Variants in AFAP1 observed in about 807,000 individuals in gnomAD.
The protein encoded by AFAP1 is actin filament-associated protein 1.
AFAP1 carries 75 observed loss-of-function variants against 93.9 expected under a neutral mutation model. The observed-to-expected ratio is 0.80, with a 90% CI of 0.66 to 0.97. The LOEUF (loss-of-function observed/expected upper bound fraction) is 0.97, where lower values mean the gene tolerates loss of function less well. Ranked by LOEUF, AFAP1 falls within the 50% of genes least tolerant of loss-of-function variation. The pLI, the probability that AFAP1 is intolerant of heterozygous loss-of-function variation, is 0.00. For missense variants in AFAP1, 1,201 were observed against 1,050.8 expected (o/e 1.14, Z -1.98); for synonymous variants, 517 against 430.7 (o/e 1.20, Z -2.48).
At position 7,848,103 on chromosome 4, in the gene AFAP1, G is replaced by A. The variant is rs910242903; in HGVS notation, c.335-4753C>T. On this transcript the variant is annotated intron_variant, in intron 4 of 17. Coordinates refer to ENST00000420658, the MANE Select transcript of AFAP1 (RefSeq NM_001134647.2). ...CGGAAGGAGGGAGGGAAGGAAAGAA[G>A]GAAGGAAGGAAGGAAGGAAGGAAGG... Among the ~76,000 whole-genome samples, 3 of 55,844 alleles carry A rather than the reference G, an allele frequency of 5.4e-5. No individual in the cohort carries two copies. In the East Asian group the frequency reaches 1.2e-3, roughly 23 times the overall value. The allele number at this position is 55,844 out of a possible 152,430, so 36.6% of individuals were successfully genotyped here.
At chr4:7,773,142 T>A in intron 15 of AFAP1, 132 bp from the exon 16 acceptor site, 3 of 1,375,664 alleles carry the variant, frequency 2.2e-6, no homozygotes, top group Non-Finnish European at 2.9e-6. Flanking sequence ...AGGTCCTCGT[T>A]GTGAAACTTA....
In AFAP1 at chr4:7,840,411, T is replaced by C. The variant is rs532863092; in HGVS notation, c.547-1708A>G. On this transcript the variant is annotated intron_variant, in intron 5 of 17. Coordinates refer to ENST00000420658, the MANE Select transcript of AFAP1 (RefSeq NM_001134647.2). ...TCACTGCAACCTCCCCCTCCTGGGTTCAAGCGATTCTCCTGCCTCAGCCTC... is the reference window on the plus strand; with the variant it reads ...TCACTGCAACCTCCCCCTCCTGGGTCCAAGCGATTCTCCTGCCTCAGCCTC... Among the ~76,000 whole-genome samples the C allele has an allele frequency of 8.0e-5, 12 of 150,132 alleles. No individual in the cohort carries two copies. The South Asian group carries it at 2.5e-3, about 32-fold the overall frequency.
intron 3 of AFAP1, among the ~76,000 whole-genome samples, chr4:7,860,530 C>T (rs112954962): frequency 1.0e-3 from 152 of 152,230 alleles, no homozygotes; most frequent in African/African-American, 3.3e-3. Context: ...TATTTTCTCT[C>T]GTTCAGAAAA....
intron 9 of AFAP1, 55 bp downstream of exon 9, chr4:7,809,559 G>C: frequency 6.4e-7 from 1 of 1,565,130 alleles, no homozygotes; most frequent in Non-Finnish European, 8.6e-7. Flanking sequence ...CACTGCAGGA[G>C]AAAATGAAAC....
chr4:7,865,886 G>A (rs1198091595), intron 3 of AFAP1, among the ~76,000 whole-genome samples: 5 of 152,108 alleles, frequency 3.3e-5, no homozygotes, highest in Non-Finnish European at 5.9e-5. Flanking sequence ...TTGGTTCTGT[G>A]GTCTTGTTTT....
intron 12 of AFAP1, among the ~76,000 whole-genome samples, chr4:7,785,275 G>C (rs1431562832): frequency 6.6e-6 from 1 of 152,108 alleles, no homozygotes; most frequent in East Asian, 1.9e-4. Flanking sequence ...AACACACTGA[G>C]AACAGACTTC....
intron 4 of AFAP1, among the ~76,000 whole-genome samples, chr4:7,845,105 A>C (rs1203177949): frequency 1.3e-5 from 2 of 152,090 alleles, no homozygotes; most frequent in East Asian, 3.8e-4. Flanking sequence ...TTTAGAGTTT[A>C]AGTTGAATTT....
At chr4:7,902,553 T>C (rs1450204443) in intron 1 of AFAP1, among the ~76,000 whole-genome samples, 2 of 151,596 alleles carry the variant, frequency 1.3e-5, no homozygotes, top group African/African-American at 4.9e-5. Flanking sequence ...CTCCTTCTAT[T>C]GTCGTGTTTA....
chr4:7,920,907 G>A (rs1720405436), intron 1 of AFAP1, among the ~76,000 whole-genome samples: 1 of 151,466 alleles, frequency 6.6e-6, no homozygotes, highest in Non-Finnish European at 1.5e-5. Context: ...GCTAGGAGAG[G>A]GACTAAATAG....
chr4:7,840,263 T>TGG (rs1712831212), intron 5 of AFAP1, among the ~76,000 whole-genome samples: 1 of 31,564 alleles, frequency 3.2e-5, no homozygotes, highest in East Asian at 4.2e-3. Flanking sequence ...GTTTTTGGGA[T>TGG]GTGTGTGTGT....
chr4:7,922,705 C>T (rs915050014), intron 1 of AFAP1, among the ~76,000 whole-genome samples: 2 of 152,134 alleles, frequency 1.3e-5, no homozygotes, highest in East Asian at 1.9e-4. Flanking sequence ...ATCACTGGGC[C>T]GGGTGCGGCG....
intron 9 of AFAP1, among the ~76,000 whole-genome samples, chr4:7,802,639 CTTT>C (rs60126839): frequency 0.21 from 27,167 of 127,862 alleles, 2,887 homozygotes; most frequent in Non-Finnish European, 0.29. Context: ...TACATTTATT[CTTT>C]TTTTTTTTTT....
chr4:7,791,483 C>T (rs116805135), intron 11 of AFAP1, among the ~76,000 whole-genome samples: 1,541 of 152,212 alleles, frequency 0.01, 31 homozygotes, highest in African/African-American at 0.032. Flanking sequence ...CACAGCAGGA[C>T]CCAAGCCAAG....
intron 1 of AFAP1, among the ~76,000 whole-genome samples, chr4:7,926,547 C>T (rs1720777214): frequency 6.6e-6 from 1 of 152,128 alleles, no homozygotes; most frequent in Non-Finnish European, 1.5e-5. Flanking sequence ...ACACCCTCTA[C>T]CCAAGGAGGA....
chr4:7,782,306 C>T (rs1167980023), intron 12 of AFAP1, among the ~76,000 whole-genome samples: 1 of 152,256 alleles, frequency 6.6e-6, no homozygotes, highest in African/African-American at 2.4e-5. Flanking sequence ...AGACCACCTG[C>T]AGGCTCCTCC....
intron 1 of AFAP1, among the ~76,000 whole-genome samples, chr4:7,912,822 G>GT (rs1024927150): frequency 1.3e-5 from 2 of 151,722 alleles, no homozygotes; most frequent in African/African-American, 2.4e-5. Flanking sequence ...CAGAGTTCAG[G>GT]TTTTTTTTCT....
chr4:7,865,187 G>A (rs1223859880), intron 3 of AFAP1, among the ~76,000 whole-genome samples: 7 of 152,138 alleles, frequency 4.6e-5, no homozygotes, highest in African/African-American at 1.7e-4. Context: ...CAAAGAATGT[G>A]GCCCTCGGTC....
intron 1 of AFAP1, among the ~76,000 whole-genome samples, chr4:7,910,819 C>G (rs1309957156): frequency 1.3e-5 from 2 of 152,164 alleles, no homozygotes; most frequent in Non-Finnish European, 2.9e-5. Context: ...ATGTGATAGA[C>G]GAAAATCACG....
chr4:7,850,107 A>C (rs1331131434), intron 4 of AFAP1, among the ~76,000 whole-genome samples: 1 of 151,890 alleles, frequency 6.6e-6, no homozygotes, highest in South Asian at 2.1e-4. Context: ...TATGTTTGAA[A>C]ATGGCCAGTC....
Sources: gnomAD v4.1 joint callset for allele counts (sites outside exome capture counted in the v4.1 genomes callset) on GRCh38, gnomAD v4.1.1 for gene constraint, MANE v1.5 for transcripts, NCBI Gene and HGNC (gene_info 2026-07-23, HGNC 2026-07-21) for gene names.